CDYL: variants seen among roughly 807,000 people sequenced by gnomAD.
CDYL encodes the protein chromodomain Y-like protein.
Under a neutral mutation model 47.3 loss-of-function variants are expected in CDYL, and 8 were observed. That is an observed-to-expected ratio of 0.17 (90% confidence interval 0.10 to 0.31). CDYL has a LOEUF of 0.31. Among genes scored for constraint, CDYL ranks in the 10% least tolerant of loss-of-function variants. CDYL has a pLI of 1.00. For synonymous variants in CDYL, 266 were observed against 265.0 expected (o/e 1.00, Z -0.04); for missense variants, 471 against 701.4 (o/e 0.67, Z 3.71).
intron 2 of CDYL, among the ~76,000 whole-genome samples, chr6:4,927,699 C>T (rs998808089): frequency 2.6e-5 from 4 of 152,226 alleles, no homozygotes; most frequent in South Asian, 4.1e-4. Flanking sequence ...TGATTCCAGG[C>T]GTGAGCCAAC....
rs375420539 is a variant in CDYL, at chr6:4,750,892, A to G, written c.186+16048A>G. ...TTTTAAGATGGAGTCTTGCTCTGTC[A>G]CCTAGGCTGGAGTGCAGTGGCACGA... On this transcript the variant is annotated intron_variant, in intron 3 of 8. Transcript: ENST00000328908. Among the ~76,000 whole-genome samples, 72 of 146,334 alleles carry G rather than the reference A, an allele frequency of 4.9e-4. 1 individual carries two copies. The highest frequency in any genetic ancestry group is 2.5e-3 in the Admixed American group (36 of 14,448).
intron 3 of CDYL, among the ~76,000 whole-genome samples, chr6:4,749,385 GGATA>G (rs1010274921): frequency 3.3e-5 from 5 of 151,466 alleles, no homozygotes; most frequent in South Asian, 2.1e-4. Flanking sequence ...GATATGTGAT[GGATA>G]GATGGATGGA....
In CDYL at chr6:4,796,538, G is replaced by A. The variant is rs143401071; in HGVS notation, c.24+19731G>A. Among the ~76,000 whole-genome samples the A allele has an allele frequency of 2.1e-3, 317 of 152,132 alleles. 1 individual carries two copies. Among genetic ancestry groups the A allele is most frequent in the Middle Eastern group, 0.01 (3 of 294 alleles). On this transcript the variant is annotated intron_variant, in intron 1 of 6. Coordinates refer to ENST00000397588, the MANE Select transcript of CDYL (RefSeq NM_004824.4). ...AATGAGTTGGTTTCCTAAGATTATAGGTTTGCCAATAAATATTTTGTATAT... is the reference window on the plus strand; with the variant it reads ...AATGAGTTGGTTTCCTAAGATTATAAGTTTGCCAATAAATATTTTGTATAT...
intron 1 of CDYL, among the ~76,000 whole-genome samples, chr6:4,812,421 A>T (rs778716509): frequency 6.6e-6 from 1 of 152,238 alleles, no homozygotes; most frequent in Non-Finnish European, 1.5e-5. Context: ...ACATGTGCCC[A>T]GAAAGTAGCT....
At chr6:4,713,922 T>C (rs749867529) in intron 1 of CDYL, among the ~76,000 whole-genome samples, 4 of 152,294 alleles carry the variant, frequency 2.6e-5, no homozygotes, top group African/African-American at 7.2e-5. Context: ...TAATATCTAA[T>C]AGGTAAATCA....
At chr6:4,722,977 AATC>A (rs1477574590) in intron 2 of CDYL, among the ~76,000 whole-genome samples, 1 of 152,172 alleles carries the variant, frequency 6.6e-6, no homozygotes, top group Non-Finnish European at 1.5e-5. Flanking sequence ...AAAATATCAA[AATC>A]ATCAAGACCA....
intron 1 of CDYL, chr6:4,889,992 G>A: frequency 1.0e-6 from 1 of 985,384 alleles, no homozygotes; most frequent in Non-Finnish European, 1.2e-6. Flanking sequence ...AGTGGTACAT[G>A]GTTAAGGAGG....
chr6:4,836,805 A>G (rs970305609), intron 1 of CDYL, among the ~76,000 whole-genome samples: 2 of 152,188 alleles, frequency 1.3e-5, no homozygotes, highest in South Asian at 4.1e-4. Context: ...CAGTGAGTAC[A>G]TTTCTGATTC....
rs137992227 is a variant in CDYL, at chr6:4,723,246, G to A, written c.103+7365G>A. On this transcript the variant is annotated intron_variant, in intron 2 of 8. Transcript: ENST00000328908. ...TTTAGCGATGATTTAGAGTACACAG[G>A]AGGATGAAGTTTTATACGCATTGAC... Among the ~76,000 whole-genome samples the A allele has an allele frequency of 1.6e-3, 242 of 152,224 alleles. 2 individuals are homozygous for A. Among genetic ancestry groups the A allele is most frequent in the Non-Finnish European group, 2.9e-4 (20 of 68,022 alleles).
At chr6:4,860,785 G>A (rs1761147585) in intron 1 of CDYL, among the ~76,000 whole-genome samples, 1 of 151,958 alleles carries the variant, frequency 6.6e-6, no homozygotes, top group Admixed American at 6.6e-5. Context: ...CGATGTTCAA[G>A]GGCAGGAAAC....
At chr6:4,723,945 T>A (rs568797104) in intron 2 of CDYL, among the ~76,000 whole-genome samples, 1 of 152,242 alleles carries the variant, frequency 6.6e-6, no homozygotes, top group East Asian at 1.9e-4. Context: ...TTAGAATGAA[T>A]GAGCCCTGGG....
chr6:4,930,204 T>C (rs1757992858), intron 2 of CDYL, among the ~76,000 whole-genome samples: 1 of 152,220 alleles, frequency 6.6e-6, no homozygotes, highest in Non-Finnish European at 1.5e-5. Context: ...TATAGGTCTC[T>C]GGTAATTGTT....
At position 4,756,573 on chromosome 6, in the gene CDYL, C is replaced by CGTGTGTCTGT. The variant is rs1228739911; in HGVS notation, c.186+21735_186+21736insCTGTGTGTGT. ...TAGTAATTGTAGTAATTAAAATTAT[C>CGTGTGTCTGT]GTGTGTATGTGTGTGTGTGTGTGTG... On this transcript the variant is annotated intron_variant, in intron 3 of 8. Transcript: ENST00000328908. 9.8e-3 allele frequency among the ~76,000 whole-genome samples: 1,232 copies of CGTGTGTCTGT among 125,248 alleles called. 17 individuals are homozygous for CGTGTGTCTGT. The highest frequency in any genetic ancestry group is 0.046 in the African/African-American group (1,178 of 25,344). The allele number at this position is 125,248 out of a possible 152,430, so 82.2% of individuals were successfully genotyped here. A position where few individuals can be genotyped will look rare whatever the true frequency, so the allele number is the denominator to read the frequency against.
At chr6:4,829,832 C>T (rs985048349) in intron 1 of CDYL, among the ~76,000 whole-genome samples, 6 of 152,224 alleles carry the variant, frequency 3.9e-5, no homozygotes, top group African/African-American at 1.4e-4. Flanking sequence ...TGTGCTCCCT[C>T]TAGAACCAGG....
At chr6:4,904,515 T>G (rs1757168181) in intron 2 of CDYL, among the ~76,000 whole-genome samples, 1 of 152,264 alleles carries the variant, frequency 6.6e-6, no homozygotes, top group Admixed American at 6.5e-5. Context: ...TTCCATTCAC[T>G]GCGCCCCTCC....
Position 4,895,265 on chromosome 6 carries a change from A to G in CDYL, c.691+2886A>G, listed in dbSNP as rs62646179. Reference sequence around the variant, plus strand: ...CAGATGTGTATATATGTGCATGTATACATGTATGTATATATGTGCATATAT... The same window carrying G: ...CAGATGTGTATATATGTGCATGTATGCATGTATGTATATATGTGCATATAT... On this transcript the variant is annotated intron_variant, in intron 2 of 6. Coordinates refer to ENST00000397588, the MANE Select transcript of CDYL (RefSeq NM_004824.4). Among the ~76,000 whole-genome samples the G allele has an allele frequency of 6.9e-5, 4 of 58,206 alleles. 2 individuals carry two copies. The highest frequency in any genetic ancestry group is 2.5e-4 in the African/African-American group (4 of 16,006). 38.2% of individuals were successfully genotyped at this position (58,206 alleles called of 152,430 possible). A position where few individuals can be genotyped will look rare whatever the true frequency, so the allele number is the denominator to read the frequency against.
At chr6:4,818,026 G>A (rs1464612409) in intron 1 of CDYL, among the ~76,000 whole-genome samples, 1 of 152,114 alleles carries the variant, frequency 6.6e-6, no homozygotes, top group Non-Finnish European at 1.5e-5. Flanking sequence ...GGAGGCTGAG[G>A]CGGGCAGATT....
At chr6:4,909,617 TG>T (rs1757345780) in intron 2 of CDYL, among the ~76,000 whole-genome samples, 5 of 152,184 alleles carry the variant, frequency 3.3e-5, no homozygotes, top group Admixed American at 2.6e-4. Flanking sequence ...TTGCCCAAGC[TG>T]GAGTGCAGTA....
intron 2 of CDYL, among the ~76,000 whole-genome samples, chr6:4,725,405 G>C (rs1214742684): frequency 1.3e-5 from 2 of 152,222 alleles, no homozygotes; most frequent in Non-Finnish European, 2.9e-5. Flanking sequence ...GGAGGCTCCG[G>C]CGGCGTAGGA....
Sources: allele counts gnomAD v4.1 joint callset (sites outside exome capture counted in the v4.1 genomes callset), GRCh38; gene constraint gnomAD v4.1.1; transcripts MANE v1.5; gene names NCBI Gene and HGNC (gene_info 2026-07-23, HGNC 2026-07-21).